The following RLIM variants were observed in gnomAD, a reference collection of about 807,000 sequenced individuals.
RLIM encodes the protein ring finger protein, LIM domain interacting, also known as E3 ubiquitin-protein ligase RLIM.
RLIM carries 2 observed loss-of-function variants against 34.0 expected under a neutral mutation model. The observed-to-expected ratio is 0.06, with a 90% CI of 0.02 to 0.19. The LOEUF is 0.19. Among genes scored for constraint, RLIM ranks in the 10% least tolerant of loss-of-function variants. The pLI is 1.00. For missense variants in RLIM, 286 were observed against 479.7 expected (o/e 0.60, Z 3.77); for synonymous variants, 169 against 164.0 (o/e 1.03, Z -0.23).
intron 1 of RLIM, among the ~76,000 whole-genome samples, chrX:74,611,512 AT>A (rs962148524): frequency 8.9e-6 from 1 of 112,186 alleles, no homozygotes; most frequent in Non-Finnish European, 1.9e-5. Flanking sequence ...TTTAACATCT[AT>A]CAATGAGCCC....
intron 1 of RLIM, among the ~76,000 whole-genome samples, chrX:74,601,029 G>GA (rs1222622967): frequency 7.7e-5 from 8 of 104,174 alleles, no homozygotes; most frequent in Non-Finnish European, 1.2e-4. Flanking sequence ...CGTCTCAAAG[G>GA]AAAAAAAAAA....
Position 74,586,340 on chromosome X carries a change from A to G in RLIM, c.*5100T>C, listed in dbSNP as rs1227883818. On this transcript the variant is annotated 3_prime_UTR_variant, in exon 4 of 4. Transcript: ENST00000332687. ...ATTCTGCAAGATGAGGAACTTACAG[A>G]GGAACCTTGAAAGAGGCACCATGAT... The G allele has an allele frequency of 3.6e-5, 4 of 112,347 alleles. No individual in the cohort carries two copies. The highest frequency in any genetic ancestry group is 7.5e-5 in the Non-Finnish European group (4 of 53,356). The allele number at this position is 112,347 out of a possible 1,213,427, so 9.3% of individuals were successfully genotyped here.
intron 1 of RLIM, among the ~76,000 whole-genome samples, chrX:74,607,695 C>T (rs1325688954): frequency 6.2e-5 from 7 of 112,127 alleles, no homozygotes; most frequent in Non-Finnish European, 1.1e-4. Context: ...GGTGACAGAG[C>T]GAGACTCCGT....
rs1243078361 is a variant in RLIM at position 74,592,258 on chromosome X, T to C, written c.1057A>G (p.Thr353Ala). 2 of 1,211,331 alleles carry C rather than the reference T, an allele frequency of 1.7e-6. No homozygotes were observed. The highest frequency in any genetic ancestry group is 1.1e-6 in the Non-Finnish European group (1 of 895,352). The change falls in exon 4 of 4, where the codon ACT (threonine) becomes GCT (alanine). Residue 353 changes from threonine to alanine, a missense_variant. Coordinates refer to ENST00000332687, the MANE Select transcript of RLIM (RefSeq NM_016120.4). ...TRSRSQTPNN[T>A]VTYESERGGF... is the part of the protein sequence containing the mutation. Reference sequence around the variant, plus strand: ...CCTCGTTCACTTTCATAGGTGACAGTGTTGTTTGGTGTCTGAGACCTAGAC... The same window carrying C: ...CCTCGTTCACTTTCATAGGTGACAGCGTTGTTTGGTGTCTGAGACCTAGAC...
intron 1 of RLIM, among the ~76,000 whole-genome samples, 181 bp from the exon 2 acceptor site, chrX:74,596,181 A>G (rs775907099): frequency 3.6e-5 from 4 of 112,484 alleles, no homozygotes; most frequent in African/African-American, 1.3e-4. Context: ...GGGTTGGCAA[A>G]CTACAGCCCT....
intron 3 of RLIM, among the ~76,000 whole-genome samples, chrX:74,593,438 A>G (rs1426966956): frequency 8.9e-6 from 1 of 112,610 alleles, no homozygotes; most frequent in East Asian, 2.8e-4. Flanking sequence ...TTTAACGAAC[A>G]GTCACATTTA....
At chrX:74,597,764 T>A (rs867894495) in intron 1 of RLIM, among the ~76,000 whole-genome samples, 3 of 112,214 alleles carry the variant, frequency 2.7e-5, no homozygotes, top group Admixed American at 9.5e-5. Flanking sequence ...ACTTCTCTCT[T>A]ATGAACTCTG....
chrX:74,597,386 C>T (rs2079644004), intron 1 of RLIM, among the ~76,000 whole-genome samples: 1 of 111,844 alleles, frequency 8.9e-6, no homozygotes, highest in African/African-American at 3.2e-5. Context: ...GATTTGTTGA[C>T]AAATGTAACT....
rs1035479368 is a variant in RLIM at position 74,601,343 on chromosome X, C to G, written c.-23-5343G>C. On this transcript the variant is annotated intron_variant, in intron 1 of 3. Transcript: ENST00000332687. ...GATGTCATAGAGAACAGGAGAGATG[C>G]TAAATGATCCAATCTTCAAAAAAAG... Among the ~76,000 whole-genome samples the G allele has an allele frequency of 3.6e-5, 4 of 111,789 alleles. No homozygotes were observed. In the East Asian group the frequency reaches 8.4e-4, roughly 23 times the overall value.
Position 74,614,519 on chromosome X carries a change from G to A in RLIM, c.-121C>T, listed in dbSNP as rs1453884536. On this transcript the variant is annotated 5_prime_UTR_variant, in exon 1 of 4. Coordinates refer to ENST00000332687, the MANE Select transcript of RLIM (RefSeq NM_016120.4). ...CGCCGCTCTCAAGCCCGCCTCCAAT[G>A]AGTAGCTGGTTGAGACCCGCCTCTA... is the stretch of plus-strand genomic sequence containing the variant. 8.9e-6 allele frequency: 1 copy of A among 112,674 alleles called. No homozygotes were observed. Among genetic ancestry groups the A allele is most frequent in the Non-Finnish European group, 1.9e-5 (1 of 53,315 alleles). The allele number at this position is 112,674 out of a possible 1,213,427, so 9.3% of individuals were successfully genotyped here.
chrX:74,598,455 C>A (rs2079648248), intron 1 of RLIM, among the ~76,000 whole-genome samples: 1 of 109,861 alleles, frequency 9.1e-6, no homozygotes, highest in Admixed American at 9.8e-5. Context: ...TAGTGAGACC[C>A]CATCTTCATA....
At position 74,604,149 on chromosome X, in the gene RLIM, T is replaced by C. The variant is rs745813972; in HGVS notation, c.-23-8149A>G. 5.5e-5 allele frequency among the ~76,000 whole-genome samples: 6 copies of C among 109,540 alleles called. No homozygotes were observed. The East Asian group carries it at 1.7e-3, about 31-fold the overall frequency. The stretch of plus-strand genomic sequence containing the variant: ...AAAATCATTTCAACATAAAAAAAAA[T>C]TTAGATGTTTTACATTAAAAAATAC... On this transcript the variant is annotated intron_variant, in intron 1 of 3. Coordinates refer to ENST00000332687, the MANE Select transcript of RLIM (RefSeq NM_016120.4).
chrX:74,596,747 T>C (rs1389356340), intron 1 of RLIM, among the ~76,000 whole-genome samples: 1 of 111,835 alleles, frequency 8.9e-6, no homozygotes, highest in Non-Finnish European at 1.9e-5. Context: ...ACAGACTGTA[T>C]GTGGCACTCC....
chrX:74,611,033 A>C (rs1333447578), intron 1 of RLIM, among the ~76,000 whole-genome samples: 2 of 112,422 alleles, frequency 1.8e-5, no homozygotes, highest in Non-Finnish European at 1.9e-5. Flanking sequence ...AAGTGTTATT[A>C]CTTTCTTATA....
chrX:74,603,961 T>A (rs763846821), intron 1 of RLIM, among the ~76,000 whole-genome samples: 1 of 109,579 alleles, frequency 9.1e-6, no homozygotes, highest in East Asian at 2.9e-4. Flanking sequence ...ATACAAAAAT[T>A]AGCCGGACGT....
At chrX:74,604,952 A>G (rs1180751961) in intron 1 of RLIM, among the ~76,000 whole-genome samples, 3 of 110,981 alleles carry the variant, frequency 2.7e-5, no homozygotes, top group Non-Finnish European at 3.8e-5. Flanking sequence ...TATTTTCCCC[A>G]TGATACTCCT....
At chrX:74,612,206 G>C (rs1303939941) in intron 1 of RLIM, among the ~76,000 whole-genome samples, 1 of 111,912 alleles carries the variant, frequency 8.9e-6, no homozygotes, top group Non-Finnish European at 1.9e-5. Context: ...ACTCTCGTAA[G>C]CTATTCTGAT....
chrX:74,598,560 C>A (rs191076924), intron 1 of RLIM, among the ~76,000 whole-genome samples: 1,491 of 110,696 alleles, frequency 0.013, 25 homozygotes, highest in African/African-American at 0.046. Context: ...GGGCGGATCA[C>A]GAGGTCAGGA....
rs1931287475 is a variant in RLIM, at chrX:74,584,090, C to G, written c.*7350G>C. 9.0e-6 allele frequency among the ~76,000 whole-genome samples: 1 copy of G among 110,616 alleles called. No homozygotes were observed. On this transcript the variant is annotated 3_prime_UTR_variant, in exon 4 of 4. Transcript: ENST00000332687. ...AAAAACCAATTTGGCCTTTTTTTTT[C>G]TTGGCAAACCAGCCAAAACTGATGT...
Sources: allele counts gnomAD v4.1 joint callset (sites outside exome capture counted in the v4.1 genomes callset), GRCh38; gene constraint gnomAD v4.1.1; transcripts MANE v1.5; gene names NCBI Gene and HGNC (gene_info 2026-07-23, HGNC 2026-07-21).